The following HS2ST1 variants were observed in gnomAD, a reference collection of about 807,000 sequenced individuals.
The protein encoded by HS2ST1 is heparan sulfate 2-O-sulfotransferase 1.
In HS2ST1, 18 loss-of-function variants were observed where a neutral mutation model predicts 42.9. The observed-to-expected ratio is 0.42, with a 90% confidence interval of 0.29 to 0.62. The LOEUF (loss-of-function observed/expected upper bound fraction) is 0.62, where lower values mean the gene tolerates loss of function less well. Ranked by LOEUF, HS2ST1 falls within the 20% of genes least tolerant of loss-of-function variation. HS2ST1 has a pLI of 0.21. For missense variants in HS2ST1, 334 were observed against 433.8 expected (o/e 0.77, Z 2.04); for synonymous variants, 146 against 152.9 (o/e 0.95, Z 0.33).
chr1:87,109,086 A>C lies in HS2ST1; in HGVS notation c.*4390A>C, dbSNP rs1443002829. ...TGTCACATCTGTTGGAGAGATAATC[A>C]CTCCTTTTCCTTAACATTCTGCCAG... On this transcript the variant is annotated 3_prime_UTR_variant, in exon 7 of 7. Coordinates refer to ENST00000370550, the MANE Select transcript of HS2ST1 (RefSeq NM_012262.4). 1 of 151,684 alleles carries C rather than the reference A, an allele frequency of 6.6e-6. No homozygotes were observed. Among genetic ancestry groups the C allele is most frequent in the East Asian group, 1.9e-4 (1 of 5,136 alleles). 9.4% of individuals were successfully genotyped at this position (151,684 alleles called of 1,614,324 possible).
intron 1 of HS2ST1, among the ~76,000 whole-genome samples, chr1:87,015,688 G>A (rs2100582726): frequency 6.6e-6 from 1 of 152,134 alleles, no homozygotes; most frequent in Non-Finnish European, 1.5e-5. Context: ...AAGGGCATGT[G>A]GAAGAAAATG....
At chr1:86,964,878 A>G (rs930612553) in intron 1 of HS2ST1, among the ~76,000 whole-genome samples, 2 of 151,990 alleles carry the variant, frequency 1.3e-5, no homozygotes, top group African/African-American at 4.8e-5. Context: ...TAGTAGATAC[A>G]CTCTCTTCAT....
intron 4 of HS2ST1, among the ~76,000 whole-genome samples, chr1:87,096,968 T>C (rs1463351229): frequency 6.6e-6 from 1 of 152,186 alleles, no homozygotes; most frequent in African/African-American, 2.4e-5. Context: ...TTTTAGAAAA[T>C]GGCCTAGGCT....
At position 86,989,737 on chromosome 1, in the gene HS2ST1, CA is replaced by C. The variant is rs913467119; in HGVS notation, c.124+74578del. On this transcript the variant is annotated intron_variant, in intron 1 of 6. Coordinates refer to ENST00000370550, the MANE Select transcript of HS2ST1 (RefSeq NM_012262.4). ...CCTTGCCTAGCCCCCTAGCCCCCAG[CA>C]GGCCCCAGTGTGTGATATTCCCCTC... Among the ~76,000 whole-genome samples, 61 of 152,182 alleles carry C rather than the reference CA, an allele frequency of 4.0e-4. 1 individual carries two copies. Among genetic ancestry groups the C allele is most frequent in the Non-Finnish European group, 2.2e-4 (15 of 68,034 alleles).
At chr1:87,026,478 C>T (rs756649106) in intron 1 of HS2ST1, among the ~76,000 whole-genome samples, 1 of 152,150 alleles carries the variant, frequency 6.6e-6, no homozygotes, top group Admixed American at 6.5e-5. Context: ...TAAGGTTTTA[C>T]ATTATGAAAA....
At chr1:87,063,153 TTC>T (rs1321600327) in intron 1 of HS2ST1, among the ~76,000 whole-genome samples, 1 of 152,194 alleles carries the variant, frequency 6.6e-6, no homozygotes, top group Non-Finnish European at 1.5e-5. Flanking sequence ...AGATCTTTTG[TTC>T]TAGACCACAG....
chr1:86,985,481 TATAC>T (rs1648747947), intron 1 of HS2ST1, among the ~76,000 whole-genome samples: 1 of 114,282 alleles, frequency 8.8e-6, no homozygotes, highest in African/African-American at 3.2e-5. Flanking sequence ...TATACACATA[TATAC>T]ACATATATAT....
At chr1:86,915,430 C>A (rs957809226) in intron 1 of HS2ST1, among the ~76,000 whole-genome samples, 1 of 152,168 alleles carries the variant, frequency 6.6e-6, no homozygotes, top group African/African-American at 2.4e-5. Context: ...GTAGGCATTC[C>A]GCGGAGAGAG....
At position 87,104,724 on chromosome 1, in the gene HS2ST1, A is replaced by T. The variant is rs1181293470; in HGVS notation, c.*28A>T. Reference sequence around the variant, plus strand: ...ATAAGGTGTGACTATTGGATTCTTGAACTAAAATTTGACCCTGTCTTCACC... The same window carrying T: ...ATAAGGTGTGACTATTGGATTCTTGTACTAAAATTTGACCCTGTCTTCACC... On this transcript the variant is annotated 3_prime_UTR_variant, in exon 7 of 7. Coordinates refer to ENST00000370550, the MANE Select transcript of HS2ST1 (RefSeq NM_012262.4). The T allele has an allele frequency of 1.4e-6, 2 of 1,395,676 alleles. No individual in the cohort carries two copies. Among genetic ancestry groups the T allele is most frequent in the Non-Finnish European group, 1.0e-6 (1 of 985,264 alleles). 86.5% of individuals were successfully genotyped at this position (1,395,676 alleles called of 1,614,324 possible).
intron 1 of HS2ST1, among the ~76,000 whole-genome samples, chr1:87,011,117 T>C (rs1374842251): frequency 6.6e-6 from 1 of 151,892 alleles, no homozygotes; most frequent in Admixed American, 6.6e-5. Context: ...AATATTCCTA[T>C]GAATGAGTAG....
At chr1:87,040,259 C>CCATCT (rs1272869300) in intron 1 of HS2ST1, among the ~76,000 whole-genome samples, 5 of 152,128 alleles carry the variant, frequency 3.3e-5, no homozygotes. Flanking sequence ...GACTGAATTT[C>CCATCT]CATCTCTGTC....
chr1:86,953,834 A>G (rs763458561), intron 1 of HS2ST1, among the ~76,000 whole-genome samples: 6 of 151,998 alleles, frequency 3.9e-5, no homozygotes, highest in Non-Finnish European at 8.8e-5. Context: ...AGAGGCCATT[A>G]TAAGGGTTAT....
intron 1 of HS2ST1, among the ~76,000 whole-genome samples, chr1:86,948,774 T>C (rs1647416035): frequency 6.6e-6 from 1 of 152,230 alleles, no homozygotes; most frequent in Admixed American, 6.5e-5. Context: ...GTTATTAAAA[T>C]TTTTAGCACA....
At chr1:86,955,691 AAAAC>A (rs1647657935) in intron 1 of HS2ST1, among the ~76,000 whole-genome samples, 1 of 152,210 alleles carries the variant, frequency 6.6e-6, no homozygotes, top group Non-Finnish European at 1.5e-5. Flanking sequence ...AATAAAAACA[AAAAC>A]AAAAAAATGG....
Position 86,965,567 on chromosome 1 carries a change from G to T in HS2ST1, c.124+50407G>T, listed in dbSNP as rs74639471. ...CTGCGTATTAGAATCACTCTGGGGA[G>T]TTTTAAGAAAACTACCACTGTGTGG... is the stretch of plus-strand genomic sequence containing the variant. On this transcript the variant is annotated intron_variant, in intron 1 of 6. Transcript: ENST00000370550. 3.3e-3 allele frequency among the ~76,000 whole-genome samples: 496 copies of T among 152,112 alleles called. 4 individuals carry two copies. The highest frequency in any genetic ancestry group is 2.7e-3 in the Non-Finnish European group (183 of 67,988).
At chr1:86,949,090 ATG>A (rs1557490187) in intron 1 of HS2ST1, among the ~76,000 whole-genome samples, 1 of 152,178 alleles carries the variant, frequency 6.6e-6, no homozygotes, top group African/African-American at 2.4e-5. Flanking sequence ...TCCTTAAAAA[ATG>A]ATAAAAAATT....
In HS2ST1 at chr1:87,104,823, AACAG is replaced by A. The variant is rs1450381150; in HGVS notation, c.*132_*135del. ...CAATTTGTATTGAGCCAAATTAGGAAACAGACAGTAACGTCAAGGAAGTAGATAC... is the reference window on the plus strand; with the variant it reads ...CAATTTGTATTGAGCCAAATTAGGAAACAGTAACGTCAAGGAAGTAGATAC... On this transcript the variant is annotated 3_prime_UTR_variant, in exon 7 of 7. Transcript: ENST00000370550. The A allele has an allele frequency of 3.3e-6, 2 of 606,962 alleles. No homozygotes were observed. Among genetic ancestry groups the A allele is most frequent in the African/African-American group, 1.8e-5 (1 of 54,110 alleles). 37.6% of individuals were successfully genotyped at this position (606,962 alleles called of 1,614,324 possible).
chr1:87,019,352 GGACATATAGCACTTGATCC>G (rs1174513641), intron 1 of HS2ST1, among the ~76,000 whole-genome samples: 2 of 152,110 alleles, frequency 1.3e-5, no homozygotes, highest in African/African-American at 4.8e-5. Flanking sequence ...GAGTTTACTA[GGACATATAGCACTTGATCC>G]GTTAAAACTA....
intron 1 of HS2ST1, among the ~76,000 whole-genome samples, chr1:86,931,155 T>A (rs545382968): frequency 6.6e-6 from 1 of 152,176 alleles, no homozygotes; most frequent in East Asian, 1.9e-4. Flanking sequence ...TGACGTTGAA[T>A]GTAGTCAAAA....
Sources: allele counts gnomAD v4.1 joint callset (sites outside exome capture counted in the v4.1 genomes callset), GRCh38; gene constraint gnomAD v4.1.1; transcripts MANE v1.5; gene names NCBI Gene and HGNC (gene_info 2026-07-23, HGNC 2026-07-21).